Variants in HYAL2 observed in about 807,000 individuals in gnomAD.
HYAL2 encodes hyaluronidase-2.
In HYAL2, 30 loss-of-function variants were observed where a neutral mutation model predicts 35.4. That is an observed-to-expected ratio of 0.85 (90% confidence interval 0.63 to 1.15). The LOEUF (loss-of-function observed/expected upper bound fraction) is 1.15. Ranked by LOEUF, HYAL2 falls within the 50% of genes most tolerant of loss-of-function variation. The probability of loss-of-function intolerance (pLI) is 0.00; values close to 1 mark genes in which losing one functional copy is unlikely to be tolerated. For synonymous variants in HYAL2, 262 were observed against 252.8 expected, an observed-to-expected ratio of 1.04 and a Z score of -0.34; for missense variants, 635 against 646.5, an observed-to-expected ratio of 0.98 and a Z score of 0.19.
At position 50,320,222 on chromosome 3, in the gene HYAL2, C is replaced by T. The variant is rs782395850; in HGVS notation, c.268G>A (p.Asp90Asn). The T allele has an allele frequency of 4.3e-6, 7 of 1,613,980 alleles. No individual in the cohort carries two copies. The Admixed American group carries it at 5.0e-5, about 12-fold the overall frequency. Residue 90 changes from aspartate to asparagine, a missense_variant, in exon 2 of 4, where the codon GAT becomes AAT. By Grantham distance (23) the Asp-to-Asn change is conservative. Transcript: ENST00000357750. This position sits in a 1 kb window ranked among gnomAD's most constrained non-coding sequence, Gnocchi z 4.8. ...RDRLGLYPRF[D>N]SAGRSVHGGV... ...CCATGCACAGACCTTCCGGCAGAAT[C>T]GAAGCGTGGATACAGGCCTAGACGG... is the stretch of plus-strand genomic sequence containing the variant.
chr3:50,319,558 G>T lies in HYAL2; in HGVS notation c.921+11C>A. On this transcript the variant is annotated intron_variant, in intron 2 of 3. Coordinates refer to ENST00000357750, the MANE Select transcript of HYAL2 (RefSeq NM_003773.5). The stretch of plus-strand genomic sequence containing the variant: ...GAAGGAGAAAAAAGGCAGGGCCCTG[G>T]AGACACATACCTCACTAAGCCCCGT... 1 of 1,601,414 alleles carries T rather than the reference G, an allele frequency of 6.2e-7. No homozygotes were observed. Among genetic ancestry groups the T allele is most frequent in the Non-Finnish European group, 8.5e-7 (1 of 1,171,874 alleles).
In HYAL2 at chr3:50,319,873, T is replaced by C. The variant is rs1553716280; in HGVS notation, c.617A>G (p.Tyr206Cys). ...ATGATTGTAGCAGTCAGGAAAGAGG[T>C]AGAAGCCCCAGAGGTGCCGGGGCCG... ...AVRPRHLWGF[Y>C]LFPDCYNHDY... The change falls in exon 2 of 4, where the codon TAC (tyrosine) becomes TGC (cysteine). Residue 206 changes from tyrosine (Y) to cysteine (C), a missense_variant. Physicochemically the swap from Tyr to Cys is radical, Grantham distance 194. Coordinates refer to ENST00000357750, the MANE Select transcript of HYAL2 (RefSeq NM_003773.5). 2 of 1,613,544 alleles carry C rather than the reference T, an allele frequency of 1.2e-6. No homozygotes were observed. Among genetic ancestry groups the C allele is most frequent in the East Asian group, 2.2e-5 (1 of 44,872 alleles).
rs1205711112 is a variant in HYAL2 at position 50,319,901 on chromosome 3, C to T, written c.589G>A (p.Val197Met). The change falls in exon 2 of 4, where the codon GTG becomes ATG. Residue 197 changes from valine (V) to methionine (M), a missense_variant. Val to Met is a conservative substitution (Grantham distance 21). Transcript: ENST00000357750. ...MLETLRYVKA[V>M]RPRHLWGFYL... ...AAGCCCCAGAGGTGCCGGGGCCGCA[C>T]TGCCTTGACATAACGCAGTGTCTCC... The T allele has an allele frequency of 6.2e-7, 1 of 1,613,760 alleles. No homozygotes were observed. Among genetic ancestry groups the T allele is most frequent in the African/African-American group, 1.3e-5 (1 of 75,070 alleles).
At position 50,318,184 on chromosome 3, in the gene HYAL2, G is replaced by A. The variant is rs1553715815; in HGVS notation, c.1367C>T (p.Ser456Phe). Residue 456 changes from serine to phenylalanine, a missense_variant, in exon 4 of 4, where the codon TCC becomes TTC. By Grantham distance (155) the Ser-to-Phe change is radical (BLOSUM62 -2). Coordinates refer to ENST00000357750, the MANE Select transcript of HYAL2 (RefSeq NM_003773.5). This position sits in a 1 kb window ranked among gnomAD's most constrained non-coding sequence, Gnocchi z 4.5. ...CAGAGCCAGCAGACTGGTGAGGTGG[G>A]ACCCAGCCCAGGCCTCGCTGGCACC... ...AGGASEAWAG[S>F]HLTSLLALAA... The A allele has an allele frequency of 6.2e-7, 1 of 1,608,562 alleles. No homozygotes were observed. The highest frequency in any genetic ancestry group is 2.2e-5 in the East Asian group (1 of 44,858).
rs782672655 is a variant in HYAL2, at chr3:50,319,812, G to T, written c.678C>A (p.Arg226=). The change falls in exon 2 of 4, where the codon CGC becomes CGA. Residue 226 remains arginine, a synonymous_variant. Transcript: ENST00000357750. Reference sequence around the variant, plus strand: ...TGCGGGCCACCTCAACATCAGGGCAGCGGCCTGTGTAGCTCTCCCAGTTCT... The same window carrying T: ...TGCGGGCCACCTCAACATCAGGGCATCGGCCTGTGTAGCTCTCCCAGTTCT... ...YVQNWESYTG[R]CPDVEVARND... 1.9e-6 allele frequency: 3 copies of T among 1,613,778 alleles called. No homozygotes were observed. In the South Asian group the frequency reaches 3.3e-5, roughly 18 times the overall value.
At position 50,318,174 on chromosome 3, in the gene HYAL2, G is replaced by T. The variant is rs782428726; in HGVS notation, c.1377C>A (p.Thr459=). ...CCAGGGCTGCCAGAGCCAGCAGACT[G>T]GTGAGGTGGGACCCAGCCCAGGCCT... ...ASEAWAGSHL[T]SLLALAALAF... The change falls in exon 4 of 4, where the codon ACC becomes ACA. Residue 459 remains threonine (T), a synonymous_variant. Transcript: ENST00000357750. The surrounding 1 kb of genome is among the most constrained non-coding windows in gnomAD (Gnocchi z 4.5). The T allele has an allele frequency of 1.2e-6, 2 of 1,601,628 alleles. No individual in the cohort carries two copies. Among genetic ancestry groups the T allele is most frequent in the Non-Finnish European group, 1.7e-6 (2 of 1,173,022 alleles).
rs1553715790 is a variant in HYAL2 at position 50,318,090 on chromosome 3, G to A, written c.*39C>T. ...CCTACATGCCTAAGAGAGCCCTTGT[G>A]GTAGAGGCCAGCTTGCTAGGCAGCT... On this transcript the variant is annotated 3_prime_UTR_variant, in exon 4 of 4. Coordinates refer to ENST00000357750, the MANE Select transcript of HYAL2 (RefSeq NM_003773.5). The surrounding 1 kb of genome is among the most constrained non-coding windows in gnomAD (Gnocchi z 4.5). 3 of 1,525,308 alleles carry A rather than the reference G, an allele frequency of 2.0e-6. No individual in the cohort carries two copies. Among genetic ancestry groups the A allele is most frequent in the African/African-American group, 1.4e-5 (1 of 72,166 alleles). 94.5% of individuals were successfully genotyped at this position (1,525,308 alleles called of 1,614,324 possible).
In HYAL2 at chr3:50,319,720, G is replaced by A. The variant is rs1330676460; in HGVS notation, c.770C>T (p.Thr257Ile). ...GCGGCCATGGCGGGAGGAAGCAAGTGTCTCGTCCAGGTAGACAGACGGGAA... is the reference window on the plus strand; with the variant it reads ...GCGGCCATGGCGGGAGGAAGCAAGTATCTCGTCCAGGTAGACAGACGGGAA... Reference protein sequence around the residue: ...ALFPSVYLDETLASSRHGRNF... With the variant: ...ALFPSVYLDEILASSRHGRNF... The change falls in exon 2 of 4, where the codon ACA (threonine) becomes ATA (isoleucine). Residue 257 changes from threonine (T) to isoleucine (I), a missense_variant. Coordinates refer to ENST00000357750, the MANE Select transcript of HYAL2 (RefSeq NM_003773.5). The A allele has an allele frequency of 6.2e-7, 1 of 1,613,810 alleles. No individual in the cohort carries two copies. The highest frequency in any genetic ancestry group is 8.5e-7 in the Non-Finnish European group (1 of 1,180,048).
At chr3:50,321,819 G>GC (rs1559834285) in intron 1 of HYAL2, 1 of 124,944 alleles carries the variant, frequency 8.0e-6, no homozygotes, top group South Asian at 2.3e-4. Context: ...ACGGGAAGGG[G>GC]GGGGGGGGGA....
chr3:50,320,000 G>C lies in HYAL2; in HGVS notation c.490C>G (p.Pro164Ala), dbSNP rs1247549805. The change falls in exon 2 of 4, where the codon CCT (proline) becomes GCT (alanine). Residue 164 changes from proline to alanine, a missense_variant. Coordinates refer to ENST00000357750, the MANE Select transcript of HYAL2 (RefSeq NM_003773.5). Reference protein sequence around the residue: ...LSRQLVASRHPDWPPDRIVKQ... With the variant: ...LSRQLVASRHADWPPDRIVKQ... Reference sequence around the variant, plus strand: ...ACTATGCGGTCTGGAGGCCAGTCAGGGTGACGACTGGCCACTAGCTGGCGT... The same window carrying C: ...ACTATGCGGTCTGGAGGCCAGTCAGCGTGACGACTGGCCACTAGCTGGCGT... The C allele has an allele frequency of 1.8e-5, 29 of 1,613,332 alleles. No individual in the cohort carries two copies. Among genetic ancestry groups the C allele is most frequent in the African/African-American group, 2.7e-5 (2 of 75,052 alleles).
At chr3:50,321,900 A>T (rs1300553775) in intron 1 of HYAL2, 1 of 151,472 alleles carries the variant, frequency 6.6e-6, no homozygotes, top group Non-Finnish European at 1.5e-5. Flanking sequence ...AGGGGGCAGC[A>T]CCAGATCTGG....
At position 50,318,367 on chromosome 3, in the gene HYAL2, C is replaced by G; in HGVS notation, c.1184G>C (p.Arg395Pro). ...ACCAGGTGCATGGCCAGGCACTAGG[C>G]GGAAACTGTTGGTGCTGAGATGCAG... ...TFLHLSTNSF[R>P]LVPGHAPGEP... Residue 395 changes from arginine to proline, a missense_variant, in exon 4 of 4, where the codon CGC becomes CCC. Transcript: ENST00000357750. The surrounding 1 kb of genome is among the most constrained non-coding windows in gnomAD (Gnocchi z 4.5). 1 of 1,613,428 alleles carries G rather than the reference C, an allele frequency of 6.2e-7. No homozygotes were observed. Among genetic ancestry groups the G allele is most frequent in the Non-Finnish European group, 8.5e-7 (1 of 1,180,042 alleles).
chr3:50,320,448 C>T lies in HYAL2; in HGVS notation c.42G>A (p.Val14=). The T allele has an allele frequency of 1.3e-6, 2 of 1,575,326 alleles. No individual in the cohort carries two copies. Among genetic ancestry groups the T allele is most frequent in the South Asian group, 2.4e-5 (2 of 84,434 alleles). ...GCTCCATGGCCCATGACACCGCCAG[C>T]ACCAGGGCCAATGTAACGGTGGGGC... The part of the protein sequence containing the change: ...GPGPTVTLAL[V]LAVSWAMELK... The change falls in exon 2 of 4, where the codon GTG becomes GTA. Residue 14 remains valine (V), a synonymous_variant. Transcript: ENST00000357750. This position sits in a 1 kb window ranked among gnomAD's most constrained non-coding sequence, Gnocchi z 4.8.
At position 50,319,870 on chromosome 3, in the gene HYAL2, A is replaced by T; in HGVS notation, c.620T>A (p.Leu207His). 1 of 1,613,676 alleles carries T rather than the reference A, an allele frequency of 6.2e-7. No homozygotes were observed. Among genetic ancestry groups the T allele is most frequent in the Non-Finnish European group, 8.5e-7 (1 of 1,180,030 alleles). Residue 207 changes from leucine to histidine, a missense_variant, in exon 2 of 4, where the codon CTC (leucine) becomes CAC (histidine). Coordinates refer to ENST00000357750, the MANE Select transcript of HYAL2 (RefSeq NM_003773.5). ...VRPRHLWGFY[L>H]FPDCYNHDYV... ...ATCATGATTGTAGCAGTCAGGAAAG[A>T]GGTAGAAGCCCCAGAGGTGCCGGGG...
Position 50,319,884 on chromosome 3 carries a change from G to C in HYAL2, c.606C>G (p.Leu202=). The change falls in exon 2 of 4, where the codon CTC becomes CTG. Residue 202 remains leucine, a synonymous_variant. Coordinates refer to ENST00000357750, the MANE Select transcript of HYAL2 (RefSeq NM_003773.5). ...AGTCAGGAAAGAGGTAGAAGCCCCA[G>C]AGGTGCCGGGGCCGCACTGCCTTGA... ...RYVKAVRPRH[L]WGFYLFPDCY... is the part of the protein sequence containing the mutation. 1 of 1,613,730 alleles carries C rather than the reference G, an allele frequency of 6.2e-7. No individual in the cohort carries two copies. The highest frequency in any genetic ancestry group is 1.6e-4 in the Middle Eastern group (1 of 6,062).
Position 50,318,922 on chromosome 3 carries a change from T to C in HYAL2, c.1011+34A>G, listed in dbSNP as rs782620485. The C allele has an allele frequency of 6.4e-6, 10 of 1,574,328 alleles. No homozygotes were observed. The highest frequency in any genetic ancestry group is 4.5e-5 in the East Asian group (2 of 44,674). On this transcript the variant is annotated intron_variant, in intron 3 of 3. Coordinates refer to ENST00000357750, the MANE Select transcript of HYAL2 (RefSeq NM_003773.5). The surrounding 1 kb of genome is among the most constrained non-coding windows in gnomAD (Gnocchi z 4.5). Reference sequence around the variant, plus strand: ...AGGCCCTAACTCTCTGTCTGTCCCATAGACTGAGCTCTGGCAGGCTGGGTC... The same window carrying C: ...AGGCCCTAACTCTCTGTCTGTCCCACAGACTGAGCTCTGGCAGGCTGGGTC...
rs1702600919 is a variant in HYAL2, at chr3:50,318,321, C to CA, written c.1229dup (p.Glu412GlyfsTer8). On this transcript the variant is annotated frameshift_variant, in exon 4 of 4. Transcript: ENST00000357750. LOFTEE classifies it high-confidence loss of function. The surrounding 1 kb of genome is among the most constrained non-coding windows in gnomAD (Gnocchi z 4.5). ...CAATGTCGGCCCAACTGAGCTCCCC[C>CA]ACAGGTCGCAGCTGGGGTTCACCAG... 1.2e-6 allele frequency: 2 copies of CA among 1,613,372 alleles called. No homozygotes were observed.
At position 50,318,135 on chromosome 3, in the gene HYAL2, G is replaced by A; in HGVS notation, c.1416C>T (p.Thr472=). Residue 472 remains threonine (T), a synonymous_variant, in exon 4 of 4, where the codon ACC becomes ACT. Coordinates refer to ENST00000357750, the MANE Select transcript of HYAL2 (RefSeq NM_003773.5). This position sits in a 1 kb window ranked among gnomAD's most constrained non-coding sequence, Gnocchi z 4.5. ...LALAALAFTW[T]L is the part of the protein sequence containing the mutation. ...GCAGCTAGGCAGGAGACCCCTACAAGGTCCAGGTAAAGGCCAGGGCTGCCA... is the reference window on the plus strand; with the variant it reads ...GCAGCTAGGCAGGAGACCCCTACAAAGTCCAGGTAAAGGCCAGGGCTGCCA... 6.4e-7 allele frequency: 1 copy of A among 1,560,828 alleles called. No individual in the cohort carries two copies. Among genetic ancestry groups the A allele is most frequent in the Non-Finnish European group, 8.7e-7 (1 of 1,151,482 alleles).
rs1275482052 is a variant in HYAL2, at chr3:50,318,812, T to C, written c.1011+144A>G. The C allele has an allele frequency of 1.3e-6, 1 of 768,678 alleles. No individual in the cohort carries two copies. Among genetic ancestry groups the C allele is most frequent in the Non-Finnish European group, 2.2e-6 (1 of 449,512 alleles). 47.6% of individuals were successfully genotyped at this position (768,678 alleles called of 1,614,324 possible). A position where few individuals can be genotyped will look rare whatever the true frequency, so the allele number is the denominator to read the frequency against. ...TCCTGAGAGCAGGGCCGGGGTGACCTCCTCCTGTTGCCACCAGGGATGCCT... is the reference window on the plus strand; with the variant it reads ...TCCTGAGAGCAGGGCCGGGGTGACCCCCTCCTGTTGCCACCAGGGATGCCT... On this transcript the variant is annotated intron_variant, in intron 3 of 3. Coordinates refer to ENST00000357750, the MANE Select transcript of HYAL2 (RefSeq NM_003773.5). The surrounding 1 kb of genome is among the most constrained non-coding windows in gnomAD (Gnocchi z 4.5).
Sources: allele counts gnomAD v4.1 joint callset, GRCh38; gene constraint gnomAD v4.1.1; non-coding constraint Gnocchi (gnomAD v3.1); transcripts MANE v1.5; gene names NCBI Gene and HGNC (gene_info 2026-07-23, HGNC 2026-07-21).